The following GPR39 variants were observed in gnomAD, a reference collection of about 807,000 sequenced individuals.
GPR39 encodes G protein-coupled receptor 39, also known as zinc sensing receptor.
A neutral mutation model predicts 18.4 loss-of-function variants in GPR39; 23 were observed. That is an observed-to-expected ratio of 1.25 (90% CI 0.90 to 1.77). The LOEUF (loss-of-function observed/expected upper bound fraction) is 1.77. GPR39 is among the 40% of genes most tolerant of loss of function. GPR39 has a pLI of 0.00. For synonymous variants in GPR39, 280 were observed against 257.9 expected (o/e 1.09, Z -0.82); for missense variants, 647 against 602.4 (o/e 1.07, Z -0.78).
At chr2:132,501,399 T>G (rs1271719241) in intron 1 of GPR39, among the ~76,000 whole-genome samples, 1 of 152,306 alleles carries the variant, frequency 6.6e-6, no homozygotes, top group African/African-American at 2.4e-5. Flanking sequence ...AGAGTTCCTT[T>G]TAGAGCTGAT....
intron 1 of GPR39, among the ~76,000 whole-genome samples, chr2:132,441,842 A>C (rs1203428955): frequency 6.6e-6 from 1 of 152,160 alleles, no homozygotes; most frequent in African/African-American, 2.4e-5. Context: ...GTCACAAAAT[A>C]CCTTAATCCG....
Position 132,646,154 on chromosome 2 carries a change from CAA to C in GPR39, c.*550_*551del. ...CCTTTTCTTGGGCCTTGGCCCGTTA[CAA>C]AGAGGGGTGTTGCAGCAGCTGATGC... On this transcript the variant is annotated 3_prime_UTR_variant, in exon 2 of 2. Coordinates refer to ENST00000329321, the MANE Select transcript of GPR39 (RefSeq NM_001508.3). 6.2e-7 allele frequency: 1 copy of C among 1,611,948 alleles called. No homozygotes were observed. Among genetic ancestry groups the C allele is most frequent in the Non-Finnish European group, 8.5e-7 (1 of 1,178,794 alleles).
chr2:132,480,713 T>C (rs1452470343), intron 1 of GPR39, among the ~76,000 whole-genome samples: 1 of 152,136 alleles, frequency 6.6e-6, no homozygotes, highest in Non-Finnish European at 1.5e-5. Flanking sequence ...GTGACTTATG[T>C]GGGGAGATAA....
intron 1 of GPR39, among the ~76,000 whole-genome samples, chr2:132,582,234 C>T (rs1004135933): frequency 6.6e-6 from 1 of 152,202 alleles, no homozygotes; most frequent in Non-Finnish European, 1.5e-5. Flanking sequence ...GCGGGGAAGA[C>T]ACATGCAGGG....
At chr2:132,500,895 T>G (rs1558818097) in intron 1 of GPR39, among the ~76,000 whole-genome samples, 1 of 152,074 alleles carries the variant, frequency 6.6e-6, no homozygotes, top group Admixed American at 6.6e-5. Flanking sequence ...TTGAATAATC[T>G]TCTGTATTTC....
At chr2:132,433,399 C>G (rs1490198461) in intron 1 of GPR39, among the ~76,000 whole-genome samples, 1 of 152,092 alleles carries the variant, frequency 6.6e-6, no homozygotes, top group Non-Finnish European at 1.5e-5. Context: ...CGCTAATCAT[C>G]TCAGCATGAG....
intron 1 of GPR39, among the ~76,000 whole-genome samples, chr2:132,419,699 G>T (rs891547733): frequency 3.9e-5 from 6 of 152,264 alleles, no homozygotes; most frequent in African/African-American, 1.2e-4. Flanking sequence ...ATCTTAAACT[G>T]TAAGGTGTAA....
rs552435514 is a variant in GPR39, at chr2:132,489,232, C to A, written c.856+71334C>A. On this transcript the variant is annotated intron_variant, in intron 1 of 1. Coordinates refer to ENST00000329321, the MANE Select transcript of GPR39 (RefSeq NM_001508.3). ...TTGGTGAAACCATATCTGTTTCTTA[C>A]GCTGAAATATTTTATTGTCTCCAAA... is the stretch of plus-strand genomic sequence containing the variant. 4 of 190,706 alleles carry A rather than the reference C, an allele frequency of 2.1e-5. No homozygotes were observed. The South Asian group carries it at 4.6e-4, about 22-fold the overall frequency. 11.8% of individuals were successfully genotyped at this position (190,706 alleles called of 1,614,324 possible).
intron 1 of GPR39, among the ~76,000 whole-genome samples, chr2:132,545,936 T>C (rs921448118): frequency 2.0e-5 from 3 of 152,124 alleles, no homozygotes; most frequent in Admixed American, 2.0e-4. Flanking sequence ...CATGATTGAG[T>C]TGTCCTGGTC....
intron 1 of GPR39, among the ~76,000 whole-genome samples, chr2:132,596,852 G>T (rs1680958998): frequency 6.6e-6 from 1 of 152,148 alleles, no homozygotes; most frequent in African/African-American, 2.4e-5. Context: ...ATCCCCTGTT[G>T]ATTTCCATGT....
At chr2:132,492,379 TACCATATATATAC>T (rs1312376744) in intron 1 of GPR39, among the ~76,000 whole-genome samples, 3 of 139,914 alleles carry the variant, frequency 2.1e-5, no homozygotes, top group Non-Finnish European at 4.6e-5. Flanking sequence ...TATATATACA[TACCATATATATAC>T]ACCATATATA....
chr2:132,507,845 C>T (rs1323003205), intron 1 of GPR39, among the ~76,000 whole-genome samples: 5 of 152,184 alleles, frequency 3.3e-5, no homozygotes, highest in African/African-American at 1.2e-4. Flanking sequence ...AGAAGAGAAG[C>T]ACAGGGCAGA....
chr2:132,557,089 G>T (rs1434982405), intron 1 of GPR39, among the ~76,000 whole-genome samples: 7 of 152,124 alleles, frequency 4.6e-5, no homozygotes, highest in Admixed American at 3.9e-4. Flanking sequence ...GCCAAGGGGG[G>T]GGGCAGATCA....
At chr2:132,531,457 T>C (rs556766264) in intron 1 of GPR39, among the ~76,000 whole-genome samples, 1 of 152,040 alleles carries the variant, frequency 6.6e-6, no homozygotes, top group South Asian at 2.1e-4. Flanking sequence ...AGACAGAAAG[T>C]TAACAAGGAT....
chr2:132,557,707 G>C (rs1271179780), intron 1 of GPR39, among the ~76,000 whole-genome samples: 1 of 151,970 alleles, frequency 6.6e-6, no homozygotes, highest in Non-Finnish European at 1.5e-5. Flanking sequence ...AAAATGAGGG[G>C]TTTATATGGG....
At chr2:132,624,992 A>G (rs1251889913) in intron 1 of GPR39, among the ~76,000 whole-genome samples, 1 of 152,048 alleles carries the variant, frequency 6.6e-6, no homozygotes, top group Non-Finnish European at 1.5e-5. Context: ...GCTCTACTAG[A>G]GACTGTCAAA....
At chr2:132,558,300 A>G (rs1680190597) in intron 1 of GPR39, among the ~76,000 whole-genome samples, 1 of 151,916 alleles carries the variant, frequency 6.6e-6, no homozygotes. Flanking sequence ...GGAAATGAGA[A>G]TGTGTGAAAA....
intron 1 of GPR39, among the ~76,000 whole-genome samples, chr2:132,539,727 T>G (rs2104784234): frequency 6.6e-6 from 1 of 152,278 alleles, no homozygotes; most frequent in East Asian, 1.9e-4. Flanking sequence ...GAGCATCTAC[T>G]TCTGTCATAT....
chr2:132,531,027 T>C (rs1679614203), intron 1 of GPR39, among the ~76,000 whole-genome samples: 1 of 151,938 alleles, frequency 6.6e-6, no homozygotes, highest in Admixed American at 6.6e-5. Context: ...TGTAAATGGG[T>C]TAAATGCTCC....
Sources: gnomAD v4.1 joint callset for allele counts (sites outside exome capture counted in the v4.1 genomes callset) on GRCh38, gnomAD v4.1.1 for gene constraint, MANE v1.5 for transcripts, NCBI Gene and HGNC (gene_info 2026-07-23, HGNC 2026-07-21) for gene names.